FRMPD4: variants seen among roughly 807,000 people sequenced by gnomAD.
The protein encoded by FRMPD4 is FERM and PDZ domain containing 4.
A neutral mutation model predicts 94.1 loss-of-function variants in FRMPD4; 22 were observed. That is an observed-to-expected ratio of 0.23 (90% confidence interval 0.17 to 0.33). The LOEUF (loss-of-function observed/expected upper bound fraction) is 0.33. FRMPD4 is among the 10% of genes least tolerant of loss of function. The pLI, the probability that FRMPD4 is intolerant of heterozygous loss-of-function variation, is 1.00. For missense variants in FRMPD4, 1,111 were observed against 1,339.9 expected (o/e 0.83, Z 2.67); for synonymous variants, 631 against 548.6 (o/e 1.15, Z -2.10).
At chrX:11,825,352 C>A (rs1465720244) in intron 1 of FRMPD4, among the ~76,000 whole-genome samples, 1 of 109,707 alleles carries the variant, frequency 9.1e-6, no homozygotes, top group East Asian at 2.8e-4. Context: ...AAAGGCTCAA[C>A]ACAAAGGTTA....
At chrX:12,366,191 G>A (rs866747686) in intron 1 of FRMPD4, among the ~76,000 whole-genome samples, 73 of 112,104 alleles carry the variant, frequency 6.5e-4, no homozygotes, top group African/African-American at 2.2e-3. Flanking sequence ...AAGAAAGTGC[G>A]AGGTCATTTC....
intron 1 of FRMPD4, among the ~76,000 whole-genome samples, chrX:12,254,172 A>G (rs1427564031): frequency 8.9e-6 from 1 of 112,020 alleles, no homozygotes; most frequent in East Asian, 2.8e-4. Flanking sequence ...GAAACAATTA[A>G]GTGTTAGAAT....
chrX:12,643,892 T>C (rs1310916542), intron 4 of FRMPD4, among the ~76,000 whole-genome samples: 5 of 112,144 alleles, frequency 4.5e-5, no homozygotes. Flanking sequence ...TACTGTCAAT[T>C]GACACAAAAC....
chrX:12,477,546 G>A (rs957173615), intron 1 of FRMPD4, among the ~76,000 whole-genome samples: 3 of 112,395 alleles, frequency 2.7e-5, no homozygotes, highest in Non-Finnish European at 3.8e-5. Context: ...GGCAGACATC[G>A]GTCTTTTCAG....
intron 3 of FRMPD4, among the ~76,000 whole-genome samples, chrX:12,046,327 T>C (rs1410861676): frequency 1.8e-5 from 2 of 111,428 alleles, no homozygotes; most frequent in Non-Finnish European, 3.8e-5. Flanking sequence ...TCTGCTCTGA[T>C]ACCACCGCAG....
At chrX:12,505,294 C>T (rs1264520241) in intron 2 of FRMPD4, among the ~76,000 whole-genome samples, 1 of 111,918 alleles carries the variant, frequency 8.9e-6, no homozygotes, top group Non-Finnish European at 1.9e-5. Context: ...GGCTGGGGCA[C>T]AGGCAGAAAT....
At position 12,338,646 on chromosome X, in the gene FRMPD4, A is replaced by G. The variant is rs1389221258; in HGVS notation, c.42-160034A>G. Among the ~76,000 whole-genome samples the G allele has an allele frequency of 8.9e-5, 10 of 112,784 alleles. No homozygotes were observed. In the East Asian group the frequency reaches 2.5e-3, roughly 28 times the overall value. Reference sequence around the variant, plus strand: ...TCGTTGCCTAGTGTTGCCCAAGTTAAGCCATTAGAAGGGAAGACACAGCTG... The same window carrying G: ...TCGTTGCCTAGTGTTGCCCAAGTTAGGCCATTAGAAGGGAAGACACAGCTG... On this transcript the variant is annotated intron_variant, in intron 1 of 16. Coordinates refer to ENST00000675598, the MANE Select transcript of FRMPD4 (RefSeq NM_001368397.1).
intron 1 of FRMPD4, among the ~76,000 whole-genome samples, chrX:12,344,448 T>C (rs188989443): frequency 3.6e-5 from 4 of 111,520 alleles, no homozygotes; most frequent in Non-Finnish European, 1.9e-5. Context: ...TTTTAAAATC[T>C]TTTGATATTA....
At chrX:11,826,997 A>C (rs1366707699) in intron 1 of FRMPD4, among the ~76,000 whole-genome samples, 1 of 102,988 alleles carries the variant, frequency 9.7e-6, no homozygotes, top group Non-Finnish European at 2.0e-5. Flanking sequence ...AAGAAGGGTG[A>C]ATTTCTGGGG....
intron 3 of FRMPD4, among the ~76,000 whole-genome samples, chrX:12,027,885 C>A (rs1357994842): frequency 8.9e-6 from 1 of 112,093 alleles, no homozygotes; most frequent in Non-Finnish European, 1.9e-5. Flanking sequence ...GTGCTCATAT[C>A]TTTGAAGTTC....
intron 9 of FRMPD4, among the ~76,000 whole-genome samples, chrX:12,698,663 G>T (rs2060158160): frequency 9.1e-6 from 1 of 109,827 alleles, no homozygotes; most frequent in African/African-American, 3.3e-5. Context: ...CATTCTCCAG[G>T]ATCAGTCTGA....
At chrX:12,314,756 C>A (rs2055087938) in intron 1 of FRMPD4, among the ~76,000 whole-genome samples, 1 of 110,903 alleles carries the variant, frequency 9.0e-6, no homozygotes, top group African/African-American at 3.3e-5. Flanking sequence ...GTCACTAGTC[C>A]ACTTAAGAGA....
At chrX:12,423,976 A>G (rs1019087856) in intron 1 of FRMPD4, among the ~76,000 whole-genome samples, 1 of 112,479 alleles carries the variant, frequency 8.9e-6, no homozygotes, top group African/African-American at 3.2e-5. Context: ...AACAAAAAAA[A>G]CAGAAAAGAA....
intron 1 of FRMPD4, among the ~76,000 whole-genome samples, chrX:12,223,514 G>A (rs1362524178): frequency 9.0e-6 from 1 of 111,452 alleles, no homozygotes; most frequent in Non-Finnish European, 1.9e-5. Flanking sequence ...CACTACCTAG[G>A]TGATGAAATA....
intron 3 of FRMPD4, among the ~76,000 whole-genome samples, chrX:11,987,686 A>C (rs2054439788): frequency 8.9e-6 from 1 of 111,862 alleles, no homozygotes; most frequent in African/African-American, 3.2e-5. Flanking sequence ...ATACTCCATC[A>C]AAAAAACCTA....
intron 1 of FRMPD4, among the ~76,000 whole-genome samples, chrX:12,383,051 G>A (rs2056348352): frequency 9.0e-6 from 1 of 111,580 alleles, no homozygotes; most frequent in Non-Finnish European, 1.9e-5. Flanking sequence ...GCCCCAAACA[G>A]GGGCAGCAAA....
chrX:12,046,901 G>A (rs1377187815), intron 3 of FRMPD4, among the ~76,000 whole-genome samples: 2 of 111,290 alleles, frequency 1.8e-5, no homozygotes, highest in African/African-American at 6.5e-5. Context: ...AAGTCTGAAA[G>A]TCCCAACTCT....
At chrX:12,525,374 G>T (rs1477218463) in intron 2 of FRMPD4, among the ~76,000 whole-genome samples, 1 of 111,262 alleles carries the variant, frequency 9.0e-6, no homozygotes, top group Non-Finnish European at 1.9e-5. Flanking sequence ...TATAAACATG[G>T]CCTATGGTCA....
At chrX:12,412,202 C>G (rs1385539466) in intron 1 of FRMPD4, among the ~76,000 whole-genome samples, 1 of 112,128 alleles carries the variant, frequency 8.9e-6, no homozygotes, top group African/African-American at 3.2e-5. Context: ...TCACTTTTCC[C>G]TAGTGAGTCT....
Sources: allele counts gnomAD v4.1 joint callset (sites outside exome capture counted in the v4.1 genomes callset), GRCh38; gene constraint gnomAD v4.1.1; transcripts MANE v1.5; gene names NCBI Gene and HGNC (gene_info 2026-07-23, HGNC 2026-07-21).